The following KIF27 variants were observed in gnomAD, a reference collection of about 807,000 sequenced individuals.
The protein encoded by KIF27 is kinesin-like protein KIF27.
In KIF27, 84 loss-of-function variants were observed where a neutral mutation model predicts 141.8. The ratio of observed to expected loss-of-function variants is 0.59; its 90% CI spans 0.50 to 0.71. The LOEUF is 0.71. Among genes scored for constraint, KIF27 ranks in the 30% least tolerant of loss-of-function variants. KIF27 has a pLI of 0.00. For synonymous variants in KIF27, 471 were observed against 569.5 expected (o/e 0.83, Z 2.46); for missense variants, 1,306 against 1,628.4 (o/e 0.80, Z 3.41).
intron 2 of KIF27, among the ~76,000 whole-genome samples, chr9:83,911,698 C>G (rs113766726): frequency 1.3e-5 from 2 of 152,090 alleles, no homozygotes; most frequent in African/African-American, 2.4e-5. Flanking sequence ...CACACCACCA[C>G]GTCTGACTGG....
At chr9:83,852,151 G>T (rs1407313799) in intron 15 of KIF27, among the ~76,000 whole-genome samples, 2 of 144,374 alleles carry the variant, frequency 1.4e-5, no homozygotes, top group East Asian at 4.3e-4. Context: ...AGCATAAAGA[G>T]TTATCTCTAT....
In KIF27 at chr9:83,919,884, T is replaced by C. The variant is rs942686896; in HGVS notation, c.-88+1487A>G. On this transcript the variant is annotated intron_variant, in intron 1 of 17. Transcript: ENST00000297814. ...TTTCTTGGGGTTTTTAATGGTAATA[T>C]CTATAAAGAATTTGGTTATAAAGGC... 2.6e-5 allele frequency among the ~76,000 whole-genome samples: 4 copies of C among 151,822 alleles called. No homozygotes were observed. The East Asian group carries it at 7.7e-4, about 29-fold the overall frequency.
At chr9:83,859,072 T>C (rs1407753256) in intron 14 of KIF27, 84 bp downstream of exon 14, 2 of 996,792 alleles carry the variant, frequency 2.0e-6, no homozygotes, top group Non-Finnish European at 3.2e-6. Context: ...CCAGATAATA[T>C]TTATGATTAT....
In KIF27 at chr9:83,836,461, C is replaced by G. The variant is rs1490101113; in HGVS notation, c.*540G>C. Among the ~76,000 whole-genome samples the G allele has an allele frequency of 2.6e-5, 4 of 152,026 alleles. No individual in the cohort carries two copies. The highest frequency in any genetic ancestry group is 2.9e-5 in the Non-Finnish European group (2 of 68,006). The stretch of plus-strand genomic sequence containing the variant: ...AGAACAGTGAGCATGTTTAAAAAGT[C>G]AGGACTGACCGTTTCTGTGAGTTCT... On this transcript the variant is annotated 3_prime_UTR_variant, in exon 18 of 18. Transcript: ENST00000297814.
In KIF27 at chr9:83,903,665, G is replaced by A. The variant is rs1277851962; in HGVS notation, c.853C>T (p.Arg285Cys). The change falls in exon 4 of 18, where the codon CGC becomes TGC. Residue 285 changes from arginine to cysteine, a missense_variant. Transcript: ENST00000297814. The part of the protein sequence containing the change: ...GNVISALGDP[R>C]RKSSHIPYRD... Reference sequence around the variant, plus strand: ...TATGGAATATGTGAACTCTTCCTGCGTGGGTCCCCAAGAGCGCTTATTACA... The same window carrying A: ...TATGGAATATGTGAACTCTTCCTGCATGGGTCCCCAAGAGCGCTTATTACA... 15 of 1,613,942 alleles carry A rather than the reference G, an allele frequency of 9.3e-6. No homozygotes were observed. The highest frequency in any genetic ancestry group is 4.5e-5 in the East Asian group (2 of 44,894).
At chr9:83,921,038 G>A (rs1290145801) in intron 1 of KIF27, among the ~76,000 whole-genome samples, 1 of 152,172 alleles carries the variant, frequency 6.6e-6, no homozygotes, top group Non-Finnish European at 1.5e-5. Context: ...CTGAAAGGCC[G>A]GGTCCCGCGT....
chr9:83,876,600 G>T (rs12001505), intron 11 of KIF27, among the ~76,000 whole-genome samples: 24,013 of 152,032 alleles, frequency 0.16, 2,088 homozygotes, highest in African/African-American at 0.23. Flanking sequence ...GGGCTCTGAA[G>T]AGCCAAAATC....
At chr9:83,875,908 G>A (rs1435164975) in intron 11 of KIF27, among the ~76,000 whole-genome samples, 1 of 151,998 alleles carries the variant, frequency 6.6e-6, no homozygotes. Context: ...AATAAGTTTG[G>A]TTACAAAGGG....
chr9:83,868,589 T>C (rs1292822802), intron 12 of KIF27: 1 of 152,098 alleles, frequency 6.6e-6, no homozygotes, highest in African/African-American at 2.4e-5. Context: ...AACATAAATA[T>C]AGATGGAATA....
chr9:83,878,489 G>C (rs879160648), intron 11 of KIF27, among the ~76,000 whole-genome samples: 13 of 152,322 alleles, frequency 8.5e-5, no homozygotes, highest in South Asian at 6.2e-4. Context: ...TAGCCAAATG[G>C]TAGAAACAAC....
intron 2 of KIF27, among the ~76,000 whole-genome samples, chr9:83,914,296 A>G (rs1419341705): frequency 2.0e-5 from 3 of 151,786 alleles, no homozygotes; most frequent in African/African-American, 7.2e-5. Context: ...AGACGCTGAA[A>G]CAATCTAGTA....
chr9:83,908,007 T>C (rs1447452078), intron 3 of KIF27, among the ~76,000 whole-genome samples: 1 of 152,210 alleles, frequency 6.6e-6, no homozygotes, highest in African/African-American at 2.4e-5. Context: ...CTCACGCCTG[T>C]AATCCCAGCA....
intron 14 of KIF27, 27 bp from the exon 15 acceptor site, chr9:83,853,862 T>G (rs1246797997): frequency 6.7e-7 from 1 of 1,486,524 alleles, no homozygotes. Flanking sequence ...TCACTCATTT[T>G]AAATGAAATA....
At position 83,891,426 on chromosome 9, in the gene KIF27, T is replaced by C. The variant is rs1323979320; in HGVS notation, c.1678A>G (p.Thr560Ala). The C allele has an allele frequency of 6.2e-7, 1 of 1,613,826 alleles. No homozygotes were observed. The highest frequency in any genetic ancestry group is 2.2e-5 in the East Asian group (1 of 44,860). The change falls in exon 6 of 18, where the codon ACT becomes GCT. Residue 560 changes from threonine (T) to alanine (A), a missense_variant. By Grantham distance (58) the Thr-to-Ala change is moderately conservative. Transcript: ENST00000297814. ...EELTKLNLSV[T>A]SSAKENCGDG... Reference sequence around the variant, plus strand: ...CCACAATTTTCTTTAGCTGAAGAAGTCACTGACAGGTTAAGTTTTGTTAGT... The same window carrying C: ...CCACAATTTTCTTTAGCTGAAGAAGCCACTGACAGGTTAAGTTTTGTTAGT...
At chr9:83,851,383 C>T (rs1469335395) in intron 15 of KIF27, among the ~76,000 whole-genome samples, 20 of 152,028 alleles carry the variant, frequency 1.3e-4, no homozygotes, top group Admixed American at 1.3e-3. Flanking sequence ...TGGAGTCTCA[C>T]TCTGTCACCT....
intron 11 of KIF27, among the ~76,000 whole-genome samples, chr9:83,873,967 G>C (rs1951004475): frequency 6.6e-6 from 1 of 151,710 alleles, no homozygotes; most frequent in Non-Finnish European, 1.5e-5. Flanking sequence ...CAGGAGAATG[G>C]CATGAACCCG....
At chr9:83,878,195 ACAACGAT>A in intron 11 of KIF27, among the ~76,000 whole-genome samples, 3 of 51,492 alleles carry the variant, frequency 5.8e-5, no homozygotes, top group Non-Finnish European at 1.1e-4. Context: ...AAAAAGAGAT[ACAACGAT>A]ACAACTTCAT....
At chr9:83,905,935 T>C (rs1020027427) in intron 3 of KIF27, among the ~76,000 whole-genome samples, 41 of 152,352 alleles carry the variant, frequency 2.7e-4, no homozygotes, top group Middle Eastern at 6.8e-3. Context: ...ATGTAAGACA[T>C]ACTGTAATTT....
intron 6 of KIF27, 86 bp downstream of exon 6, chr9:83,891,209 C>T (rs1483606593): frequency 1.9e-6 from 2 of 1,058,702 alleles, no homozygotes; most frequent in East Asian, 4.8e-5. Flanking sequence ...AAAAAATCTG[C>T]TGAGACTGTA....
Sources: gnomAD v4.1 joint callset for allele counts (sites outside exome capture counted in the v4.1 genomes callset) on GRCh38, gnomAD v4.1.1 for gene constraint, MANE v1.5 for transcripts, NCBI Gene and HGNC (gene_info 2026-07-23, HGNC 2026-07-21) for gene names.